The following ORC6 variants were observed in gnomAD, a reference collection of about 807,000 sequenced individuals.
ORC6 encodes origin recognition complex, subunit 6 homolog-like (yeast).
Under a neutral mutation model 30.0 loss-of-function variants are expected in ORC6, and 31 were observed. That is an observed-to-expected ratio of 1.03 (90% CI 0.78 to 1.40). The LOEUF is 1.40. ORC6 is among the 40% of genes most tolerant of loss of function. The probability of loss-of-function intolerance (pLI) is 0.00; values close to 1 mark genes in which losing one functional copy is unlikely to be tolerated. For missense variants in ORC6, 340 were observed against 304.3 expected (o/e 1.12, Z -0.87); for synonymous variants, 136 against 111.2 (o/e 1.22, Z -1.40).
In ORC6 at chr16:46,692,441, T is replaced by G; in HGVS notation, c.255T>G (p.Ser85=). The change falls in exon 3 of 7, where the codon TCT becomes TCG. Residue 85 remains serine, a synonymous_variant. Coordinates refer to ENST00000219097, the MANE Select transcript of ORC6 (RefSeq NM_014321.4). Reference sequence around the variant, plus strand: ...AGACATATCAGAGCTGTCTTAAATCTTTTGAGTGTTTACTGGGCCTGAATT... The same window carrying G: ...AGACATATCAGAGCTGTCTTAAATCGTTTGAGTGTTTACTGGGCCTGAATT... The part of the protein sequence containing the change: ...NKETYQSCLK[S]FECLLGLNSN... 5.0e-6 allele frequency: 8 copies of G among 1,613,826 alleles called. No homozygotes were observed. The highest frequency in any genetic ancestry group is 3.4e-6 in the Non-Finnish European group (4 of 1,179,704).
chr16:46,691,958 ACT>A (rs1555467330), intron 2 of ORC6, among the ~76,000 whole-genome samples: 6 of 36,658 alleles, frequency 1.6e-4, no homozygotes, highest in African/African-American at 5.7e-4. Context: ...ACACACACAC[ACT>A]CTCTCTCTCT....
Position 46,692,559 on chromosome 16 carries a change from A to G in ORC6, c.359+14A>G, listed in dbSNP as rs763277494. ...GATACTAAAAAGGTATGGGGCATAG[A>G]GAACCTTAATTGAAAATGTATACCA... On this transcript the variant is annotated intron_variant, in intron 3 of 6. Transcript: ENST00000219097. The G allele has an allele frequency of 6.2e-7, 1 of 1,610,532 alleles. No individual in the cohort carries two copies. Among genetic ancestry groups the G allele is most frequent in the South Asian group, 1.1e-5 (1 of 90,942 alleles).
rs1434317969 is a variant in ORC6 at position 46,689,711 on chromosome 16, G to A, written c.6G>A (p.Gly2=). 1 of 1,601,716 alleles carries A rather than the reference G, an allele frequency of 6.2e-7. No individual in the cohort carries two copies. Among genetic ancestry groups the A allele is most frequent in the African/African-American group, 1.3e-5 (1 of 74,968 alleles). ...TTCGCTTTAGTGCCGGCGCCATGGGGTCGGAGCTGATCGGGCGCCTAGCCC... is the reference window on the plus strand; with the variant it reads ...TTCGCTTTAGTGCCGGCGCCATGGGATCGGAGCTGATCGGGCGCCTAGCCC... M[G]SELIGRLAPR... The change falls in exon 1 of 7, where the codon GGG becomes GGA. Residue 2 remains glycine, a synonymous_variant. Coordinates refer to ENST00000219097, the MANE Select transcript of ORC6 (RefSeq NM_014321.4).
chr16:46,692,773 C>G (rs1466620594), intron 3 of ORC6, among the ~76,000 whole-genome samples: 2 of 152,154 alleles, frequency 1.3e-5, no homozygotes, highest in African/African-American at 4.8e-5. Flanking sequence ...GAGGCTGTGG[C>G]AGGAGAATTG....
At chr16:46,693,030 A>G in intron 3 of ORC6, 63 bp from the exon 4 acceptor site, 1 of 1,098,570 alleles carries the variant, frequency 9.1e-7, no homozygotes, top group South Asian at 1.2e-5. Flanking sequence ...TCTGGTTGAT[A>G]CTTTCAGTCT....
At chr16:46,690,273 T>C (rs1440219581) in intron 1 of ORC6, among the ~76,000 whole-genome samples, 1 of 152,194 alleles carries the variant, frequency 6.6e-6, no homozygotes, top group Non-Finnish European at 1.5e-5. Flanking sequence ...TGATGGCAGA[T>C]GCTAGGCGAG....
Position 46,697,726 on chromosome 16 carries a change from C to G in ORC6, c.*141C>G. On this transcript the variant is annotated 3_prime_UTR_variant, in exon 7 of 7. Coordinates refer to ENST00000219097, the MANE Select transcript of ORC6 (RefSeq NM_014321.4). ...GCCTTTAAATAGCAAAGCAGCCTAC[C>G]TGGAGGCTAAGTCTGGGCAGTGGGC... The G allele has an allele frequency of 1.1e-6, 1 of 937,294 alleles. No individual in the cohort carries two copies. Among genetic ancestry groups the G allele is most frequent in the South Asian group, 1.4e-5 (1 of 72,524 alleles). 58.1% of individuals were successfully genotyped at this position (937,294 alleles called of 1,614,324 possible).
Position 46,695,641 on chromosome 16 carries a change from AAAC to A in ORC6, c.533_535del (p.Gln178del). 5 of 1,612,676 alleles carry A rather than the reference AAAC, an allele frequency of 3.1e-6. No homozygotes were observed. Among genetic ancestry groups the A allele is most frequent in the Non-Finnish European group, 4.2e-6 (5 of 1,178,660 alleles). On this transcript the variant is annotated inframe_deletion, in exon 5 of 7. Coordinates refer to ENST00000219097, the MANE Select transcript of ORC6 (RefSeq NM_014321.4). ...AAAAGCTATATTTGATCGACTGTGT[AAAC>A]AACTAGAGAAGATTGGACAGCAGGT...
Position 46,695,553 on chromosome 16 carries a change from G to C in ORC6, c.450-9G>C. ...CTTGAGAAAAGCAACTTATGAAATT[G>C]TTTTGTAGGATTCTAAAGCTGAAAG... On this transcript the variant is annotated splice_polypyrimidine_tract_variant and intron_variant, in intron 4 of 6. Transcript: ENST00000219097. The C allele has an allele frequency of 6.4e-7, 1 of 1,569,166 alleles. No homozygotes were observed. Among genetic ancestry groups the C allele is most frequent in the Non-Finnish European group, 8.8e-7 (1 of 1,139,122 alleles).
At position 46,698,253 on chromosome 16, in the gene ORC6, G is replaced by T. The variant is rs1431681581; in HGVS notation, c.*668G>T. The stretch of plus-strand genomic sequence containing the variant: ...GCCATTTTGCTTTAAGTGAATGGCA[G>T]TCCCTTGTCTTATTCAGAATATAAA... On this transcript the variant is annotated 3_prime_UTR_variant, in exon 7 of 7. Coordinates refer to ENST00000219097, the MANE Select transcript of ORC6 (RefSeq NM_014321.4). The T allele has an allele frequency of 2.2e-6, 1 of 455,012 alleles. No individual in the cohort carries two copies. The highest frequency in any genetic ancestry group is 4.4e-6 in the Non-Finnish European group (1 of 226,560). 28.2% of individuals were successfully genotyped at this position (455,012 alleles called of 1,614,324 possible). A position where few individuals can be genotyped will look rare whatever the true frequency, so the allele number is the denominator to read the frequency against.
At chr16:46,691,983 C>CTCTCT (rs1357880671) in intron 2 of ORC6, among the ~76,000 whole-genome samples, 1 of 148,692 alleles carries the variant, frequency 6.7e-6, no homozygotes, top group African/African-American at 2.5e-5. Flanking sequence ...CTCTCTCTCA[C>CTCTCT]CACCCCGCCC....
At position 46,696,056 on chromosome 16, in the gene ORC6, A is replaced by C. The variant is rs758462441; in HGVS notation, c.602A>C (p.Lys201Thr). 2 of 1,613,576 alleles carry C rather than the reference A, an allele frequency of 1.2e-6. No homozygotes were observed. Among genetic ancestry groups the C allele is most frequent in the South Asian group, 2.2e-5 (2 of 91,080 alleles). The change falls in exon 6 of 7, where the codon AAG becomes ACG. Residue 201 changes from lysine (K) to threonine (T), a missense_variant. Transcript: ENST00000219097. ...GTAGCTACTCCACCACGGAAGAGAA[A>C]GAAGATAGTGGTTGAAGCCCCAGCA... The part of the protein sequence containing the change: ...GDVATPPRKR[K>T]KIVVEAPAKE...
chr16:46,692,547 T>C lies in ORC6; in HGVS notation c.359+2T>C, dbSNP rs759732425. 22 of 1,612,092 alleles carry C rather than the reference T, an allele frequency of 1.4e-5. No individual in the cohort carries two copies. Among genetic ancestry groups the C allele is most frequent in the Non-Finnish European group, 3.4e-6 (4 of 1,178,500 alleles). ...CATGGCTTCAAAGATACTAAAAAGG[T>C]ATGGGGCATAGAGAACCTTAATTGA... On this transcript the variant is annotated splice_donor_variant, in intron 3 of 6. Coordinates refer to ENST00000219097, the MANE Select transcript of ORC6 (RefSeq NM_014321.4). LOFTEE classifies it high-confidence loss of function.
chr16:46,693,831 ATTTT>A (rs1176756262), intron 4 of ORC6: 40 of 79,442 alleles, frequency 5.0e-4, no homozygotes, highest in South Asian at 1.2e-3. Flanking sequence ...TTTTTTTTAC[ATTTT>A]TTTTATTTTT....
In ORC6 at chr16:46,694,621, GGCTGGCCGGGC is replaced by G. The variant is rs1966498119; in HGVS notation, c.450-939_450-929del. 4 of 61,224 alleles carry G rather than the reference GGCTGGCCGGGC, an allele frequency of 6.5e-5. 1 individual carries two copies. In the South Asian group the frequency reaches 2.0e-3, roughly 30 times the overall value. 3.8% of individuals were successfully genotyped at this position (61,224 alleles called of 1,614,324 possible). On this transcript the variant is annotated intron_variant, in intron 4 of 6. Transcript: ENST00000219097. Reference sequence around the variant, plus strand: ...ACTTCCCAGTAGGGGCGGCCGGGGCGGCTGGCCGGGCGGGGGGCTGACCCCCCCACAACACT... The same window carrying G: ...ACTTCCCAGTAGGGGCGGCCGGGGCGGGGGGGCTGACCCCCCCACAACACT...
Position 46,697,445 on chromosome 16 carries a change from A to G in ORC6, c.632-13A>G, listed in dbSNP as rs1966530000. On this transcript the variant is annotated splice_polypyrimidine_tract_variant and intron_variant, in intron 6 of 6. Transcript: ENST00000219097. The stretch of plus-strand genomic sequence containing the variant: ...TAAGAATTTTGAAATTGCTTTTGAT[A>G]ATTTTCTGTCAGAAATGGAGAAGGT... 2 of 1,609,268 alleles carry G rather than the reference A, an allele frequency of 1.2e-6. No homozygotes were observed. Among genetic ancestry groups the G allele is most frequent in the Non-Finnish European group, 1.7e-6 (2 of 1,176,450 alleles).
At chr16:46,696,164 C>G (rs537940291) in intron 6 of ORC6, 79 bp downstream of exon 6, 4 of 957,832 alleles carry the variant, frequency 4.2e-6, no homozygotes, top group South Asian at 1.3e-5. Context: ...GCTTGCCTGA[C>G]AGGAGTCCAG....
chr16:46,694,637 G>GT lies in ORC6; in HGVS notation c.450-925_450-924insT, dbSNP rs1189979352. Reference sequence around the variant, plus strand: ...GGCCGGGGCGGCTGGCCGGGCGGGGGGCTGACCCCCCCACAACACTGTCTC... The same window carrying GT: ...GGCCGGGGCGGCTGGCCGGGCGGGGGTGCTGACCCCCCCACAACACTGTCTC... On this transcript the variant is annotated intron_variant, in intron 4 of 6. Transcript: ENST00000219097. 154 of 150,942 alleles carry GT rather than the reference G, an allele frequency of 1.0e-3. 18 individuals are homozygous for GT. The highest frequency in any genetic ancestry group is 3.6e-3 in the African/African-American group (149 of 41,130). The allele number at this position is 150,942 out of a possible 1,614,324, so 9.4% of individuals were successfully genotyped here.
intron 5 of ORC6, 146 bp from the exon 6 acceptor site, chr16:46,695,871 G>A: frequency 2.6e-6 from 2 of 763,116 alleles, no homozygotes; most frequent in Non-Finnish European, 4.6e-6. Flanking sequence ...AGTCTGACAA[G>A]AGGCCCAAAA....
Sources: allele counts gnomAD v4.1 joint callset (sites outside exome capture counted in the v4.1 genomes callset), GRCh38; gene constraint gnomAD v4.1.1; transcripts MANE v1.5; gene names NCBI Gene and HGNC (gene_info 2026-07-23, HGNC 2026-07-21).